The following DCDC1 variants were observed in gnomAD, a reference collection of about 807,000 sequenced individuals.
DCDC1 encodes doublecortin domain containing 1.
DCDC1 carries 200 observed loss-of-function variants against 178.3 expected under a neutral mutation model. The observed-to-expected ratio is 1.12, with a 90% CI of 1.00 to 1.26. DCDC1 has a LOEUF of 1.26. Ranked by LOEUF, DCDC1 falls within the 50% of genes most tolerant of loss-of-function variation. The pLI is 0.00. For synonymous variants in DCDC1, 690 were observed against 604.8 expected (o/e 1.14, Z -2.07); for missense variants, 1,983 against 1,749.2 (o/e 1.13, Z -2.38).
At chr11:31,238,278 G>A (rs916578211) in intron 9 of DCDC1, among the ~76,000 whole-genome samples, 2 of 151,916 alleles carry the variant, frequency 1.3e-5, no homozygotes, top group Non-Finnish European at 2.9e-5. Flanking sequence ...ACAGCTCCAT[G>A]CACGTTTATG....
chr11:31,353,877 T>C (rs1951194720), intron 1 of DCDC1, among the ~76,000 whole-genome samples: 1 of 152,220 alleles, frequency 6.6e-6, no homozygotes, highest in Non-Finnish European at 1.5e-5. Context: ...GAAATGTCTA[T>C]GACTGAGGGT....
At chr11:31,306,200 T>A (rs763256072) in intron 5 of DCDC1, 32 bp downstream of exon 5, 16 of 1,437,008 alleles carry the variant, frequency 1.1e-5, no homozygotes, top group Admixed American at 2.6e-5. Flanking sequence ...GGAAAAAAAA[T>A]AAAGCACAGA....
At chr11:31,126,344 G>C (rs949941870) in intron 11 of DCDC1, among the ~76,000 whole-genome samples, 5 of 152,156 alleles carry the variant, frequency 3.3e-5, no homozygotes, top group African/African-American at 1.2e-4. Context: ...AGAAACCCTT[G>C]ACCTTGATGT....
In DCDC1 at chr11:31,247,399, T is replaced by C. The variant is rs1439102450; in HGVS notation, c.1055-5783A>G. Among the ~76,000 whole-genome samples, 5 of 151,948 alleles carry C rather than the reference T, an allele frequency of 3.3e-5. No individual in the cohort carries two copies. The East Asian group carries it at 9.7e-4, about 30-fold the overall frequency. On this transcript the variant is annotated intron_variant, in intron 8 of 38. Coordinates refer to ENST00000684477, the MANE Select transcript of DCDC1 (RefSeq NM_001387274.1). ...CCTTGCTGCTTTGGTTCACGGCTTG[T>C]GATTGATCATTTGTAACTATATCTA...
At chr11:31,286,069 T>G (rs1354911597) in intron 7 of DCDC1, among the ~76,000 whole-genome samples, 2 of 152,128 alleles carry the variant, frequency 1.3e-5, no homozygotes, top group Non-Finnish European at 2.9e-5. Context: ...TATAGTAAGT[T>G]TGAAGTTTTA....
In DCDC1 at chr11:31,015,937, C is replaced by A. The variant is rs191592479; in HGVS notation, c.2591+48532G>T. On this transcript the variant is annotated intron_variant, in intron 20 of 38. Coordinates refer to ENST00000684477, the MANE Select transcript of DCDC1 (RefSeq NM_001387274.1). Reference sequence around the variant, plus strand: ...TCTAAGCTGTTAAATGTCTAACATGCAAAGGTCAAAATGATACCATAAAAA... The same window carrying A: ...TCTAAGCTGTTAAATGTCTAACATGAAAAGGTCAAAATGATACCATAAAAA... Among the ~76,000 whole-genome samples, 123 of 152,236 alleles carry A rather than the reference C, an allele frequency of 8.1e-4. 1 individual carries two copies. The highest frequency in any genetic ancestry group is 2.4e-3 in the African/African-American group (98 of 41,528).
intron 36 of DCDC1, among the ~76,000 whole-genome samples, chr11:30,889,923 G>T (rs1032197258): frequency 5.9e-5 from 9 of 152,298 alleles, no homozygotes; most frequent in Admixed American, 3.9e-4. Context: ...AGCCTTTAAG[G>T]AGGTAATTAA....
At chr11:31,001,278 A>T (rs1951561635) in intron 20 of DCDC1, among the ~76,000 whole-genome samples, 1 of 152,180 alleles carries the variant, frequency 6.6e-6, no homozygotes, top group South Asian at 2.1e-4. Context: ...AGGCTTATAA[A>T]CCATATTAAG....
intron 2 of DCDC1, among the ~76,000 whole-genome samples, chr11:31,328,602 TC>T (rs1482659881): frequency 1.3e-5 from 2 of 151,970 alleles, no homozygotes; most frequent in African/African-American, 4.8e-5. Flanking sequence ...ATAGAGACCA[TC>T]CTGGCTAACA....
chr11:31,234,407 GA>G (rs1469472138), intron 9 of DCDC1, among the ~76,000 whole-genome samples: 4 of 152,140 alleles, frequency 2.6e-5, no homozygotes, highest in Non-Finnish European at 4.4e-5. Flanking sequence ...CTACTAACAA[GA>G]AGTGAGGAAG....
At chr11:30,913,464 G>A (rs1346089857) in intron 27 of DCDC1, among the ~76,000 whole-genome samples, 2 of 152,056 alleles carry the variant, frequency 1.3e-5, no homozygotes, top group African/African-American at 2.4e-5. Context: ...TCCCTAGAGG[G>A]GGACTTGTGC....
At chr11:30,875,935 A>T (rs757242532) in intron 38 of DCDC1, among the ~76,000 whole-genome samples, 2 of 152,224 alleles carry the variant, frequency 1.3e-5, no homozygotes, top group Non-Finnish European at 2.9e-5. Context: ...AAAGACTGCC[A>T]GACTTTCAGG....
At chr11:31,271,077 G>T (rs1294145945) in intron 7 of DCDC1, among the ~76,000 whole-genome samples, 2 of 151,940 alleles carry the variant, frequency 1.3e-5, no homozygotes, top group African/African-American at 2.4e-5. Flanking sequence ...TCTCTAATCT[G>T]CTTACCTCTA....
intron 14 of DCDC1, among the ~76,000 whole-genome samples, chr11:31,103,305 A>G (rs989578371): frequency 6.6e-6 from 1 of 152,182 alleles, no homozygotes; most frequent in Non-Finnish European, 1.5e-5. Flanking sequence ...CTCACACAGA[A>G]CATATTTTAT....
chr11:31,016,553 C>T (rs936201501), intron 20 of DCDC1, among the ~76,000 whole-genome samples: 8 of 151,944 alleles, frequency 5.3e-5, no homozygotes, highest in East Asian at 3.9e-4. Flanking sequence ...ACTTGGGTTG[C>T]GGTGGGTGGC....
At chr11:31,275,483 TGTC>T (rs1195838322) in intron 7 of DCDC1, among the ~76,000 whole-genome samples, 1 of 152,154 alleles carries the variant, frequency 6.6e-6, no homozygotes, top group African/African-American at 2.4e-5. Context: ...ATTATCTTTC[TGTC>T]GTCGTTGTTG....
At chr11:30,940,323 A>AC (rs1173603604) in intron 21 of DCDC1, among the ~76,000 whole-genome samples, 1 of 151,908 alleles carries the variant, frequency 6.6e-6, no homozygotes, top group Non-Finnish European at 1.5e-5. Context: ...GAGATGCCAG[A>AC]CCCCCAGTTG....
intron 20 of DCDC1, among the ~76,000 whole-genome samples, chr11:31,053,309 T>C (rs1311616198): frequency 6.6e-6 from 1 of 152,034 alleles, no homozygotes; most frequent in Non-Finnish European, 1.5e-5. Context: ...AATAGACTAA[T>C]AACAAGCAGT....
intron 20 of DCDC1, among the ~76,000 whole-genome samples, chr11:30,978,709 G>A (rs1487057357): frequency 6.6e-6 from 1 of 151,012 alleles, no homozygotes; most frequent in East Asian, 2.0e-4. Context: ...TAGAACGTTA[G>A]AACTTATTCC....
Sources: gnomAD v4.1 joint callset for allele counts (sites outside exome capture counted in the v4.1 genomes callset) on GRCh38, gnomAD v4.1.1 for gene constraint, MANE v1.5 for transcripts, NCBI Gene and HGNC (gene_info 2026-07-23, HGNC 2026-07-21) for gene names.